Variants in ERGIC1 observed in about 807,000 individuals in gnomAD.
ERGIC1 encodes the protein endoplasmic reticulum-Golgi intermediate compartment protein 1.
ERGIC1 carries 19 observed loss-of-function variants against 38.3 expected under a neutral mutation model. The observed-to-expected ratio is 0.50, with a 90% CI of 0.35 to 0.73. The LOEUF is 0.73. Among genes scored for constraint, ERGIC1 ranks in the 30% least tolerant of loss-of-function variants. The pLI, the probability that ERGIC1 is intolerant of heterozygous loss-of-function variation, is 0.01. For synonymous variants in ERGIC1, 124 were observed against 157.6 expected (o/e 0.79, Z 1.60); for missense variants, 294 against 389.2 (o/e 0.76, Z 2.06).
chr5:172,856,697 T>A (rs1761557684), intron 1 of ERGIC1, among the ~76,000 whole-genome samples: 1 of 152,130 alleles, frequency 6.6e-6, no homozygotes, highest in South Asian at 2.1e-4. Flanking sequence ...GAAAGTCTTT[T>A]GGTATGGGTT....
chr5:172,834,784 C>G lies in ERGIC1; in HGVS notation c.20+351C>G, dbSNP rs1267541709. On this transcript the variant is annotated intron_variant, in intron 1 of 9. Coordinates refer to ENST00000393784, the MANE Select transcript of ERGIC1 (RefSeq NM_001031711.3). This position sits in a 1 kb window ranked among gnomAD's most constrained non-coding sequence, Gnocchi z 4.1. Reference sequence around the variant, plus strand: ...TAACACCCCAGCATCCCTCTCCTCCCTCTACTGAGCCTCCTTGGTGGACCC... The same window carrying G: ...TAACACCCCAGCATCCCTCTCCTCCGTCTACTGAGCCTCCTTGGTGGACCC... Among the ~76,000 whole-genome samples the G allele has an allele frequency of 6.6e-6, 1 of 152,222 alleles. No homozygotes were observed. Among genetic ancestry groups the G allele is most frequent in the African/African-American group, 2.4e-5 (1 of 41,464 alleles).
chr5:172,879,452 A>G (rs1219673318), intron 1 of ERGIC1, among the ~76,000 whole-genome samples: 1 of 152,240 alleles, frequency 6.6e-6, no homozygotes, highest in Admixed American at 6.5e-5. Context: ...AGGAAGCTAG[A>G]GACGTGGATT....
chr5:172,875,208 T>C (rs1035811892), intron 1 of ERGIC1, among the ~76,000 whole-genome samples: 1 of 152,130 alleles, frequency 6.6e-6, no homozygotes, highest in Non-Finnish European at 1.5e-5. Flanking sequence ...AAATAAGAGT[T>C]TTTTTGTTTT....
At chr5:172,914,650 AG>A (rs980495198) in intron 4 of ERGIC1, 63 bp from the exon 5 acceptor site, 2 of 1,613,070 alleles carry the variant, frequency 1.2e-6, no homozygotes, top group Admixed American at 1.7e-5. Flanking sequence ...CAGAGAGAAC[AG>A]GCTGGCCCCC....
chr5:172,858,102 G>A lies in ERGIC1; in HGVS notation c.20+23669G>A, dbSNP rs147117248. Reference sequence around the variant, plus strand: ...TGAGGCCTGCGTCTTCTAGGGGATCGGGGGAACCTGACTGCAGTGGTATTT... The same window carrying A: ...TGAGGCCTGCGTCTTCTAGGGGATCAGGGGAACCTGACTGCAGTGGTATTT... On this transcript the variant is annotated intron_variant, in intron 1 of 9. Coordinates refer to ENST00000393784, the MANE Select transcript of ERGIC1 (RefSeq NM_001031711.3). Among the ~76,000 whole-genome samples, 1,093 of 152,312 alleles carry A rather than the reference G, an allele frequency of 7.2e-3. 4 individuals carry two copies. Among genetic ancestry groups the A allele is most frequent in the Non-Finnish European group, 0.01 (710 of 68,018 alleles).
At chr5:172,882,109 C>A (rs1762298664) in intron 1 of ERGIC1, among the ~76,000 whole-genome samples, 1 of 152,172 alleles carries the variant, frequency 6.6e-6, no homozygotes, top group South Asian at 2.1e-4. Context: ...AAACTAGGGT[C>A]TTTTTGAGCT....
Position 172,926,872 on chromosome 5 carries a change from A to G in ERGIC1, c.541+303A>G. 1 of 378,418 alleles carries G rather than the reference A, an allele frequency of 2.6e-6. No homozygotes were observed. The highest frequency in any genetic ancestry group is 5.0e-6 in the Non-Finnish European group (1 of 201,094). The allele number at this position is 378,418 out of a possible 1,614,324, so 23.4% of individuals were successfully genotyped here. On this transcript the variant is annotated intron_variant, in intron 7 of 9. Transcript: ENST00000393784. This position sits in a 1 kb window ranked among gnomAD's most constrained non-coding sequence, Gnocchi z 5.2. ...CAGCCACATCATCATCCTTAGTTGAACTAATTACCTAAGATCCCACAGGGA... is the reference window on the plus strand; with the variant it reads ...CAGCCACATCATCATCCTTAGTTGAGCTAATTACCTAAGATCCCACAGGGA...
chr5:172,947,183 CAAAA>C (rs11308202), intron 9 of ERGIC1, among the ~76,000 whole-genome samples: 7 of 122,340 alleles, frequency 5.7e-5, no homozygotes, highest in Non-Finnish European at 1.0e-4. Context: ...GACTCAATCT[CAAAA>C]AAAAAAAAAA....
chr5:172,938,403 G>A (rs946916533), intron 9 of ERGIC1, among the ~76,000 whole-genome samples: 5 of 152,156 alleles, frequency 3.3e-5, no homozygotes, highest in African/African-American at 1.2e-4. Context: ...GCTCTTTTCT[G>A]TCCCCGTTTC....
rs151271934 is a variant in ERGIC1, at chr5:172,915,302, C to T, written c.375+464C>T. 130 of 532,980 alleles carry T rather than the reference C, an allele frequency of 2.4e-4. 2 individuals are homozygous for T. In the East Asian group the frequency reaches 3.7e-3, roughly 15 times the overall value. 33.0% of individuals were successfully genotyped at this position (532,980 alleles called of 1,614,324 possible). The stretch of plus-strand genomic sequence containing the variant: ...CAGAAAAATTTTTGAATGGCACGTT[C>T]TGTGTTCCAGGGTCGGTGATAGGCT... On this transcript the variant is annotated intron_variant, in intron 5 of 9. Coordinates refer to ENST00000393784, the MANE Select transcript of ERGIC1 (RefSeq NM_001031711.3).
Position 172,844,229 on chromosome 5 carries a change from C to A in ERGIC1, c.20+9796C>A, listed in dbSNP as rs558015144. Among the ~76,000 whole-genome samples the A allele has an allele frequency of 5.6e-4, 85 of 152,320 alleles. No individual in the cohort carries two copies. The Middle Eastern group carries it at 0.014, about 24-fold the overall frequency. On this transcript the variant is annotated intron_variant, in intron 1 of 9. Coordinates refer to ENST00000393784, the MANE Select transcript of ERGIC1 (RefSeq NM_001031711.3). ...CCAGAGGGTCACACACTCAGGCGCC[C>A]CTACCTATCAGCAAGTACCTCAGTC...
chr5:172,890,871 G>C (rs558624203), intron 2 of ERGIC1, among the ~76,000 whole-genome samples: 1 of 152,254 alleles, frequency 6.6e-6, no homozygotes, highest in Non-Finnish European at 1.5e-5. Flanking sequence ...TCTCAGTTGG[G>C]GGAGGACCTT....
At chr5:172,867,564 T>TA (rs1173883047) in intron 1 of ERGIC1, 2 of 436,126 alleles carry the variant, frequency 4.6e-6, no homozygotes, top group Admixed American at 2.5e-5. Context: ...GCAGAGGTGT[T>TA]ACTCCACCCC....
At chr5:172,835,233 C>T (rs1165497037) in intron 1 of ERGIC1, among the ~76,000 whole-genome samples, 2 of 152,206 alleles carry the variant, frequency 1.3e-5, no homozygotes, top group Non-Finnish European at 2.9e-5. Flanking sequence ...CACTTGGTGT[C>T]TGGCTGGGAA....
chr5:172,841,390 A>C (rs978144724), intron 1 of ERGIC1, among the ~76,000 whole-genome samples: 1 of 152,192 alleles, frequency 6.6e-6, no homozygotes, highest in African/African-American at 2.4e-5. Flanking sequence ...CGACCCTCAG[A>C]AATGCTGGGA....
chr5:172,847,755 C>T (rs563451052), intron 1 of ERGIC1, among the ~76,000 whole-genome samples: 1 of 152,330 alleles, frequency 6.6e-6, no homozygotes, highest in East Asian at 1.9e-4. Flanking sequence ...CCTCGTGGTC[C>T]ACCCGCCTTG....
chr5:172,914,665 C>G, intron 4 of ERGIC1, 49 bp from the exon 5 acceptor site: 1 of 1,613,624 alleles, frequency 6.2e-7, no homozygotes, highest in Middle Eastern at 1.6e-4. Flanking sequence ...GGCCCCCATC[C>G]TCCCGCGTCT....
In ERGIC1 at chr5:172,949,017, C is replaced by G. The variant is rs529625927; in HGVS notation, c.766-1692C>G. On this transcript the variant is annotated intron_variant, in intron 9 of 9. Coordinates refer to ENST00000393784, the MANE Select transcript of ERGIC1 (RefSeq NM_001031711.3). ...TGTGGTGAGCTATGATCACCCACTA[C>G]ACTGCAGCCTGGGTGACAGAGTGAG... Among the ~76,000 whole-genome samples, 11 of 152,320 alleles carry G rather than the reference C, an allele frequency of 7.2e-5. No individual in the cohort carries two copies. In the East Asian group the frequency reaches 1.9e-3, roughly 27 times the overall value.
chr5:172,848,596 C>T (rs888317141), intron 1 of ERGIC1, among the ~76,000 whole-genome samples: 1 of 152,136 alleles, frequency 6.6e-6, no homozygotes, highest in African/African-American at 2.4e-5. Flanking sequence ...TGTCTGTCTT[C>T]CTTATGGAGT....
Sources: gnomAD v4.1 joint callset for allele counts (sites outside exome capture counted in the v4.1 genomes callset) on GRCh38, gnomAD v4.1.1 for gene constraint, Gnocchi (gnomAD v3.1) non-coding constraint, MANE v1.5 for transcripts, NCBI Gene and HGNC (gene_info 2026-07-23, HGNC 2026-07-21) for gene names.